The following KATNIP variants were observed in gnomAD, a reference collection of about 807,000 sequenced individuals.
The protein encoded by KATNIP is katanin-interacting protein.
KATNIP carries 126 observed loss-of-function variants against 174.0 expected under a neutral mutation model. That is an observed-to-expected ratio of 0.72 (90% CI 0.63 to 0.84). The LOEUF (loss-of-function observed/expected upper bound fraction) is 0.84, where lower values mean the gene tolerates loss of function less well. Ranked by LOEUF, KATNIP falls within the 40% of genes least tolerant of loss-of-function variation. The probability of loss-of-function intolerance (pLI) is 0.00; values close to 1 mark genes in which losing one functional copy is unlikely to be tolerated. For synonymous variants in KATNIP, 810 were observed against 835.7 expected (o/e 0.97, Z 0.53); for missense variants, 1,958 against 2,109.7 (o/e 0.93, Z 1.41).
chr16:27,598,849 T>A (rs2075422076), intron 2 of KATNIP, among the ~76,000 whole-genome samples: 1 of 152,104 alleles, frequency 6.6e-6, no homozygotes, highest in Non-Finnish European at 1.5e-5. Flanking sequence ...AAGGAGGAGT[T>A]GTGCAGTTCA....
intron 3 of KATNIP, among the ~76,000 whole-genome samples, chr16:27,624,443 G>A (rs1438690969): frequency 1.3e-5 from 2 of 152,172 alleles, no homozygotes; most frequent in South Asian, 4.1e-4. Flanking sequence ...TGCATCACGT[G>A]AATAGTAGCT....
chr16:27,654,271 T>G lies in KATNIP; in HGVS notation c.540+5536T>G, dbSNP rs566444320. ...GATTACAGATGTGAGCCACTGTGCC[T>G]GGCCTCCCATTTTTTAAAAAAACTC... On this transcript the variant is annotated intron_variant, in intron 6 of 27. Coordinates refer to ENST00000261588, the MANE Select transcript of KATNIP (RefSeq NM_015202.5). Among the ~76,000 whole-genome samples the G allele has an allele frequency of 3.3e-5, 5 of 152,342 alleles. No homozygotes were observed. In the East Asian group the frequency reaches 9.6e-4, roughly 29 times the overall value.
chr16:27,771,900 C>G (rs945414704), intron 22 of KATNIP, among the ~76,000 whole-genome samples: 1 of 152,114 alleles, frequency 6.6e-6, no homozygotes, highest in Non-Finnish European at 1.5e-5. Flanking sequence ...CTGGGAGGGG[C>G]TAGAGAAGCT....
At chr16:27,670,072 A>G (rs2077840781) in intron 6 of KATNIP, among the ~76,000 whole-genome samples, 1 of 152,206 alleles carries the variant, frequency 6.6e-6, no homozygotes, top group South Asian at 2.1e-4. Flanking sequence ...AAACAGGAGG[A>G]ATTATTGAAA....
intron 5 of KATNIP, among the ~76,000 whole-genome samples, chr16:27,636,553 T>C (rs2076641103): frequency 6.6e-6 from 1 of 151,902 alleles, no homozygotes; most frequent in Non-Finnish European, 1.5e-5. Context: ...CTGTGTGCCC[T>C]GGAGCTGGCT....
At chr16:27,600,921 C>T (rs944225900) in intron 2 of KATNIP, among the ~76,000 whole-genome samples, 3 of 151,966 alleles carry the variant, frequency 2.0e-5, no homozygotes, top group African/African-American at 7.3e-5. Flanking sequence ...TTAGTAGAGA[C>T]AGGGTTTCAC....
rs1283673103 is a variant in KATNIP, at chr16:27,740,407, G to C, written c.2110G>C (p.Val704Leu). Residue 704 changes from valine (V) to leucine (L), a missense_variant, in exon 15 of 28, where the codon GTC (valine) becomes CTC (leucine). Around this residue, in one of 3 missense-constraint regions of KATNIP, gnomAD observed 1,557 missense variants for 1,617.8 expected, o/e 0.96. Transcript: ENST00000261588. ...QLEEYLRLSA[V>L]PTSMGDMPSA... Reference sequence around the variant, plus strand: ...AGAGGAATATTTGAGACTGTCGGCAGTCCCCACTTCGATGGGTGACATGCC... The same window carrying C: ...AGAGGAATATTTGAGACTGTCGGCACTCCCCACTTCGATGGGTGACATGCC... 6.2e-7 allele frequency: 1 copy of C among 1,614,108 alleles called. No homozygotes were observed. Among genetic ancestry groups the C allele is most frequent in the East Asian group, 2.2e-5 (1 of 44,888 alleles).
chr16:27,740,328 G>A lies in KATNIP; in HGVS notation c.2031G>A (p.Val677=). Residue 677 remains valine, a synonymous_variant, in exon 15 of 28, where the codon GTG becomes GTA. Transcript: ENST00000261588. ...CAAAGCTTTCTTCACAAGGAAATGT[G>A]TCTGGCAAAAGAAAGAATTCTACTA... The part of the protein sequence containing the change: ...ADAKLSSQGN[V]SGKRKNSTNC... 1 of 1,614,260 alleles carries A rather than the reference G, an allele frequency of 6.2e-7. No individual in the cohort carries two copies. The highest frequency in any genetic ancestry group is 1.3e-5 in the African/African-American group (1 of 75,070).
At position 27,778,734 on chromosome 16, in the gene KATNIP, CCA is replaced by C; in HGVS notation, c.*108_*109del. On this transcript the variant is annotated 3_prime_UTR_variant, in exon 28 of 28. Coordinates refer to ENST00000261588, the MANE Select transcript of KATNIP (RefSeq NM_015202.5). ...CTCAGTCCCAGGAGCTGGAAGCGAA[CCA>C]CAGTGTTGAGGGGAGCCCGCTGGGA... 1 of 1,205,592 alleles carries C rather than the reference CCA, an allele frequency of 8.3e-7. No individual in the cohort carries two copies. The highest frequency in any genetic ancestry group is 1.2e-6 in the Non-Finnish European group (1 of 841,366). 74.7% of individuals were successfully genotyped at this position (1,205,592 alleles called of 1,614,324 possible).
chr16:27,735,584 T>C (rs572537479), intron 14 of KATNIP, among the ~76,000 whole-genome samples: 1 of 152,230 alleles, frequency 6.6e-6, no homozygotes, highest in Admixed American at 6.5e-5. Context: ...TCCATCCATA[T>C]AAGCAGGTAA....
intron 15 of KATNIP, among the ~76,000 whole-genome samples, chr16:27,743,567 G>T (rs1236758155): frequency 6.6e-6 from 1 of 152,148 alleles, no homozygotes; most frequent in Non-Finnish European, 1.5e-5. Context: ...CTGGCTCATG[G>T]CAGGTCCTCC....
intron 6 of KATNIP, among the ~76,000 whole-genome samples, chr16:27,656,800 G>C (rs1040320679): frequency 2.3e-5 from 3 of 132,334 alleles, no homozygotes; most frequent in African/African-American, 8.4e-5. Flanking sequence ...GGGGAGGGGA[G>C]GGGGGAGGGA....
In KATNIP at chr16:27,745,363, C is replaced by T. The variant is rs572053242; in HGVS notation, c.2624-4221C>T. 2.6e-5 allele frequency among the ~76,000 whole-genome samples: 4 copies of T among 152,350 alleles called. No homozygotes were observed. In the South Asian group the frequency reaches 6.2e-4, roughly 24 times the overall value. On this transcript the variant is annotated intron_variant, in intron 15 of 27. Coordinates refer to ENST00000261588, the MANE Select transcript of KATNIP (RefSeq NM_015202.5). ...GGTCCACTTCCCCTCACTTTCCTCA[C>T]GATATCAGCTTTCTCTGCTACTCAC...
intron 14 of KATNIP, among the ~76,000 whole-genome samples, chr16:27,736,501 T>G (rs2080900590): frequency 6.6e-6 from 1 of 152,016 alleles, no homozygotes; most frequent in Non-Finnish European, 1.5e-5. Flanking sequence ...GCCCTAGAGG[T>G]GTGTTCACTG....
chr16:27,612,854 A>G (rs2075935196), intron 2 of KATNIP, among the ~76,000 whole-genome samples: 2 of 152,270 alleles, frequency 1.3e-5, no homozygotes, highest in South Asian at 4.1e-4. Flanking sequence ...ACATGCCTGT[A>G]GTTTCAGCTA....
chr16:27,629,049 TC>T (rs1382798586), intron 4 of KATNIP, among the ~76,000 whole-genome samples: 1 of 151,402 alleles, frequency 6.6e-6, no homozygotes, highest in African/African-American at 2.4e-5. Flanking sequence ...GCACCTGTAG[TC>T]CCAGCTACTG....
At chr16:27,679,194 C>T (rs937250512) in intron 7 of KATNIP, 1 of 152,242 alleles carries the variant, frequency 6.6e-6, no homozygotes, top group Non-Finnish European at 1.5e-5. Context: ...TTTACTCTCT[C>T]ATAGTTCTGG....
intron 3 of KATNIP, among the ~76,000 whole-genome samples, chr16:27,626,504 G>C (rs1396233717): frequency 1.3e-5 from 2 of 152,172 alleles, no homozygotes; most frequent in East Asian, 3.9e-4. Flanking sequence ...CATCTTGCTA[G>C]CTTTACAAGT....
rs1310663000 is a variant in KATNIP, at chr16:27,628,833, G to T, written c.310+3G>T. 2.5e-6 allele frequency: 4 copies of T among 1,613,906 alleles called. No homozygotes were observed. The stretch of plus-strand genomic sequence containing the variant: ...CTCCCACACGGAGGGGACACACGGT[G>T]AGCACAGGCCCTCCAGGCTGAGTCT... On this transcript the variant is annotated splice_donor_region_variant and intron_variant, in intron 4 of 27. Transcript: ENST00000261588.
Sources: gnomAD v4.1 joint callset for allele counts (sites outside exome capture counted in the v4.1 genomes callset) on GRCh38, gnomAD v4.1.1 for gene constraint, gnomAD v4.1.1 regional missense constraint, MANE v1.5 for transcripts, NCBI Gene and HGNC (gene_info 2026-07-23, HGNC 2026-07-21) for gene names.